INPP4A: variants seen among roughly 807,000 people sequenced by gnomAD.
The protein encoded by INPP4A is inositol polyphosphate-4-phosphatase, type I, 107kD.
In INPP4A, 33 loss-of-function variants were observed where a neutral mutation model predicts 119.8. That is an observed-to-expected ratio of 0.28 (90% confidence interval 0.21 to 0.37). The LOEUF (loss-of-function observed/expected upper bound fraction) is 0.37. Among genes scored for constraint, INPP4A ranks in the 10% least tolerant of loss-of-function variants. The pLI is 1.00. For missense variants in INPP4A, 956 were observed against 1,289.9 expected (o/e 0.74, Z 3.97); for synonymous variants, 496 against 500.7 (o/e 0.99, Z 0.12).
intron 1 of INPP4A, among the ~76,000 whole-genome samples, chr2:98,467,156 C>G (rs1674956541): frequency 6.6e-6 from 1 of 152,076 alleles, no homozygotes; most frequent in South Asian, 2.1e-4. Flanking sequence ...GTGTCCCAGG[C>G]TCTTTTCACA....
chr2:98,485,361 C>T (rs982043154), intron 1 of INPP4A, among the ~76,000 whole-genome samples: 7 of 152,178 alleles, frequency 4.6e-5, no homozygotes. Context: ...CTGATCTTAT[C>T]TGTGTAGAAT....
intron 13 of INPP4A, among the ~76,000 whole-genome samples, chr2:98,551,607 C>T (rs889437395): frequency 6.6e-6 from 1 of 152,188 alleles, no homozygotes; most frequent in Non-Finnish European, 1.5e-5. Flanking sequence ...GGAAGATTCT[C>T]AGCCCTGACC....
chr2:98,544,049 A>ATG lies in INPP4A; in HGVS notation c.949+42_949+43insTG, dbSNP rs1559044574. 2.2e-6 allele frequency: 3 copies of ATG among 1,340,952 alleles called. No homozygotes were observed. The African/African-American group carries it at 4.4e-5, about 20-fold the overall frequency. The allele number at this position is 1,340,952 out of a possible 1,614,324, so 83.1% of individuals were successfully genotyped here. A position where few individuals can be genotyped will look rare whatever the true frequency, so the allele number is the denominator to read the frequency against. ...GCTGTCACCACACACGCGTGCGCAC[A>ATG]CACACACACACACACTCTCACTCTC... On this transcript the variant is annotated intron_variant, in intron 11 of 24. Coordinates refer to ENST00000409851, the MANE Select transcript of INPP4A (RefSeq NM_001134225.2).
chr2:98,575,553 TTGGTC>T (rs1698272207), intron 23 of INPP4A, among the ~76,000 whole-genome samples: 1 of 152,220 alleles, frequency 6.6e-6, no homozygotes, highest in Non-Finnish European at 1.5e-5. Flanking sequence ...TTTCTTTTTG[TTGGTC>T]TGTTCTCAGA....
chr2:98,455,348 GA>G (rs1189370340), intron 1 of INPP4A, among the ~76,000 whole-genome samples: 14 of 146,500 alleles, frequency 9.6e-5, no homozygotes, highest in African/African-American at 2.5e-4. Context: ...TACAAAAAAA[GA>G]AAAAAAAAAG....
chr2:98,583,942 GC>G (rs1699664320), intron 24 of INPP4A, among the ~76,000 whole-genome samples: 1 of 152,234 alleles, frequency 6.6e-6, no homozygotes, highest in Non-Finnish European at 1.5e-5. Flanking sequence ...CCTGGGGCAG[GC>G]ATCACCTGTG....
At chr2:98,575,451 G>A (rs1698257141) in intron 23 of INPP4A, among the ~76,000 whole-genome samples, 1 of 152,220 alleles carries the variant, frequency 6.6e-6, no homozygotes, top group African/African-American at 2.4e-5. Flanking sequence ...GTTCACTCTT[G>A]CTTTGTCAGT....
At chr2:98,520,393 G>A (rs946244418) in intron 3 of INPP4A, among the ~76,000 whole-genome samples, 1 of 152,190 alleles carries the variant, frequency 6.6e-6, no homozygotes. Context: ...TGGTGGCAGG[G>A]GCACCACCAG....
rs1009231560 is a variant in INPP4A, at chr2:98,591,182, G to A, written c.*3574G>A. 5.6e-6 allele frequency: 1 copy of A among 179,296 alleles called. No homozygotes were observed. Among genetic ancestry groups the A allele is most frequent in the Non-Finnish European group, 1.2e-5 (1 of 83,878 alleles). The allele number at this position is 179,296 out of a possible 1,614,324, so 11.1% of individuals were successfully genotyped here. On this transcript the variant is annotated 3_prime_UTR_variant, in exon 25 of 25. Transcript: ENST00000409851. ...ATGGAGTCCTGGCTTCACCATGGAAGGTGGGACATATGGGACAGCCATGTC... is the reference window on the plus strand; with the variant it reads ...ATGGAGTCCTGGCTTCACCATGGAAAGTGGGACATATGGGACAGCCATGTC...
intron 1 of INPP4A, among the ~76,000 whole-genome samples, chr2:98,492,035 A>G (rs1343605177): frequency 6.6e-6 from 1 of 152,222 alleles, no homozygotes; most frequent in East Asian, 1.9e-4. Flanking sequence ...GATTATAGGC[A>G]TGAACCACCA....
chr2:98,451,205 C>T (rs1192587580), intron 1 of INPP4A, among the ~76,000 whole-genome samples: 1 of 152,200 alleles, frequency 6.6e-6, no homozygotes, highest in Non-Finnish European at 1.5e-5. Context: ...GCCTGCCAGC[C>T]AGCCAGCCCA....
intron 11 of INPP4A, 141 bp downstream of exon 11, chr2:98,544,148 C>A: frequency 2.9e-6 from 2 of 685,432 alleles, no homozygotes; most frequent in Non-Finnish European, 4.5e-6. Flanking sequence ...CACTGACAGA[C>A]ACTTTAATGG....
intron 1 of INPP4A, among the ~76,000 whole-genome samples, chr2:98,462,453 T>A (rs944386532): frequency 9.9e-5 from 15 of 151,910 alleles, no homozygotes; most frequent in Non-Finnish European, 2.2e-4. Context: ...GTCTCAAAAA[T>A]AAATAAATAA....
chr2:98,511,090 C>T (rs1278288759), intron 1 of INPP4A, among the ~76,000 whole-genome samples: 6 of 151,514 alleles, frequency 4.0e-5, no homozygotes, highest in Non-Finnish European at 8.8e-5. Flanking sequence ...GATGGAGTCT[C>T]GCTTTGTTGC....
At chr2:98,499,289 G>A (rs557030810) in intron 1 of INPP4A, among the ~76,000 whole-genome samples, 1 of 152,296 alleles carries the variant, frequency 6.6e-6, no homozygotes, top group African/African-American at 2.4e-5. Flanking sequence ...AGAAATGCCA[G>A]GTTTGCTTCA....
chr2:98,468,645 G>A (rs922794621), intron 1 of INPP4A, among the ~76,000 whole-genome samples: 3 of 152,104 alleles, frequency 2.0e-5, no homozygotes, highest in Admixed American at 6.6e-5. Flanking sequence ...CTGGTGGGTC[G>A]CATTTCTCAT....
At chr2:98,458,207 G>A (rs1056728404) in intron 1 of INPP4A, among the ~76,000 whole-genome samples, 2 of 152,064 alleles carry the variant, frequency 1.3e-5, no homozygotes, top group Non-Finnish European at 2.9e-5. Context: ...GGGCATGGTG[G>A]TGCACACACA....
At chr2:98,473,237 G>A (rs1421688439) in intron 1 of INPP4A, among the ~76,000 whole-genome samples, 3 of 149,842 alleles carry the variant, frequency 2.0e-5, no homozygotes, top group Non-Finnish European at 4.4e-5. Context: ...TGGAGAGTGT[G>A]GAGGGCAGTG....
In INPP4A at chr2:98,564,755, G is replaced by GC; in HGVS notation, c.2145dup (p.Thr716HisfsTer49). On this transcript the variant is annotated frameshift_variant, in exon 19 of 25. Coordinates refer to ENST00000409851, the MANE Select transcript of INPP4A (RefSeq NM_001134225.2). LOFTEE classifies it high-confidence loss of function. The stretch of plus-strand genomic sequence containing the variant: ...CTGGCCCAGTTCGAGAGCCTGCTGA[G>GC]CACCTACGGTGAGGCGCCCGGGCCA... 1 of 1,591,774 alleles carries GC rather than the reference G, an allele frequency of 6.3e-7. No individual in the cohort carries two copies. Among genetic ancestry groups the GC allele is most frequent in the Non-Finnish European group, 8.6e-7 (1 of 1,169,036 alleles).
Sources: allele counts gnomAD v4.1 joint callset (sites outside exome capture counted in the v4.1 genomes callset), GRCh38; gene constraint gnomAD v4.1.1; transcripts MANE v1.5; gene names NCBI Gene and HGNC (gene_info 2026-07-23, HGNC 2026-07-21).